Variants in JMY observed in about 807,000 individuals in gnomAD.
JMY encodes junction mediating and regulatory protein, p53 cofactor.
JMY carries 46 observed loss-of-function variants against 103.3 expected under a neutral mutation model. The observed-to-expected ratio is 0.45, with a 90% CI of 0.35 to 0.57. The LOEUF is 0.57. Ranked by LOEUF, JMY falls within the 20% of genes least tolerant of loss-of-function variation. The probability of loss-of-function intolerance (pLI) is 0.00; values close to 1 mark genes in which losing one functional copy is unlikely to be tolerated. For missense variants in JMY, 1,238 were observed against 1,255.2 expected, an observed-to-expected ratio of 0.99 and a Z score of 0.21; for synonymous variants, 526 against 489.3, an observed-to-expected ratio of 1.07 and a Z score of -0.99.
chr5:79,292,494 A>AT (rs1469247443), intron 4 of JMY, among the ~76,000 whole-genome samples: 3 of 151,678 alleles, frequency 2.0e-5, no homozygotes, highest in East Asian at 1.9e-4. Context: ...TTATTTACTT[A>AT]TTTTTTTGTA....
intron 1 of JMY, among the ~76,000 whole-genome samples, chr5:79,260,850 G>GGC (rs1448037577): frequency 2.0e-5 from 3 of 152,026 alleles, no homozygotes; most frequent in Non-Finnish European, 4.4e-5. Flanking sequence ...GGAAATGTAT[G>GGC]GCACTGGTCC....
At chr5:79,263,382 C>G (rs935816709) in intron 1 of JMY, among the ~76,000 whole-genome samples, 2 of 152,126 alleles carry the variant, frequency 1.3e-5, no homozygotes, top group African/African-American at 4.8e-5. Context: ...GTCTTTGTTA[C>G]AAACAGGTTT....
At position 79,312,440 on chromosome 5, in the gene JMY, G is replaced by C; in HGVS notation, c.2006G>C (p.Ser669Thr). 2.5e-6 allele frequency: 4 copies of C among 1,587,016 alleles called. No individual in the cohort carries two copies. Among genetic ancestry groups the C allele is most frequent in the Non-Finnish European group, 2.6e-6 (3 of 1,170,068 alleles). The change falls in exon 8 of 11, where the codon AGT becomes ACT. Residue 669 changes from serine (S) to threonine (T), a missense_variant. Transcript: ENST00000396137. ...EKLHDEEERK[S>T]AWVSQERQRT... is the part of the protein sequence containing the mutation. ...TTACATGATGAAGAAGAAAGAAAAA[G>C]TGCCTGGGTTAGCCAAGAGAGACAG...
intron 1 of JMY, among the ~76,000 whole-genome samples, chr5:79,244,833 G>GTTT (rs34362472): frequency 2.2e-5 from 3 of 138,106 alleles, no homozygotes; most frequent in Non-Finnish European, 3.1e-5. Flanking sequence ...GTAACTATTT[G>GTTT]TTTTTTTTTT....
At chr5:79,266,662 G>A (rs1313508194) in intron 1 of JMY, among the ~76,000 whole-genome samples, 1 of 152,030 alleles carries the variant, frequency 6.6e-6, no homozygotes. Context: ...CTACTATACT[G>A]TTGAATACCA....
At chr5:79,281,467 C>T (rs988870895) in intron 2 of JMY, among the ~76,000 whole-genome samples, 1 of 150,002 alleles carries the variant, frequency 6.7e-6, no homozygotes, top group African/African-American at 2.5e-5. Context: ...GTCACTAGGC[C>T]AATCAAACAG....
chr5:79,251,529 T>C (rs1745083449), intron 1 of JMY, among the ~76,000 whole-genome samples: 1 of 152,164 alleles, frequency 6.6e-6, no homozygotes, highest in Non-Finnish European at 1.5e-5. Context: ...CTCAAGCATT[T>C]GTCCTTTGTT....
chr5:79,276,513 C>G (rs1745940313), intron 1 of JMY, among the ~76,000 whole-genome samples: 1 of 152,066 alleles, frequency 6.6e-6, no homozygotes, highest in South Asian at 2.1e-4. Context: ...CACTGCAGAC[C>G]CGTCCTCCTG....
intron 1 of JMY, among the ~76,000 whole-genome samples, chr5:79,242,227 G>T (rs1744761666): frequency 6.6e-6 from 1 of 152,144 alleles, no homozygotes; most frequent in Admixed American, 6.5e-5. Context: ...TTGAGTGAGT[G>T]GAGTCAGAAA....
At chr5:79,318,755 T>TAGAG (rs1452546311) in intron 10 of JMY, among the ~76,000 whole-genome samples, 3 of 38,588 alleles carry the variant, frequency 7.8e-5, no homozygotes, top group South Asian at 6.9e-4. Context: ...TATATATATA[T>TAGAG]ATATATAGAG....
chr5:79,287,095 T>C (rs923234409), intron 2 of JMY, among the ~76,000 whole-genome samples: 1 of 151,750 alleles, frequency 6.6e-6, no homozygotes, highest in Non-Finnish European at 1.5e-5. Flanking sequence ...TACTGAGGGG[T>C]TGGTTTGTCT....
chr5:79,277,795 C>G (rs898804819), intron 1 of JMY, 115 bp from the exon 2 acceptor site: 37 of 796,470 alleles, frequency 4.6e-5, no homozygotes, highest in Non-Finnish European at 6.1e-5. Flanking sequence ...TTCATTCCCT[C>G]TTGCTTCTGT....
intron 1 of JMY, among the ~76,000 whole-genome samples, chr5:79,268,167 C>T (rs184324681): frequency 6.4e-4 from 98 of 152,246 alleles, no homozygotes; most frequent in African/African-American, 2.3e-3. Context: ...CACTTGAGCC[C>T]AGGAGTTCCA....
Position 79,325,061 on chromosome 5 carries a change from T to G in JMY, c.*3459T>G, listed in dbSNP as rs1421387029. On this transcript the variant is annotated 3_prime_UTR_variant, in exon 11 of 11. Transcript: ENST00000396137. Reference sequence around the variant, plus strand: ...ACTCTTAAATCAGTGAAACAAAAACTAATGGGCAGCATTCTCTCTGTTTGG... The same window carrying G: ...ACTCTTAAATCAGTGAAACAAAAACGAATGGGCAGCATTCTCTCTGTTTGG... The G allele has an allele frequency of 6.6e-6, 1 of 152,434 alleles. No homozygotes were observed. The highest frequency in any genetic ancestry group is 1.5e-5 in the Non-Finnish European group (1 of 68,006). The allele number at this position is 152,434 out of a possible 1,614,324, so 9.4% of individuals were successfully genotyped here.
At chr5:79,268,499 A>C (rs374022037) in intron 1 of JMY, among the ~76,000 whole-genome samples, 3 of 151,300 alleles carry the variant, frequency 2.0e-5, no homozygotes, top group Admixed American at 6.6e-5. Flanking sequence ...TTATTTATTT[A>C]TTTCTTGAGA....
intron 1 of JMY, among the ~76,000 whole-genome samples, chr5:79,276,018 G>C (rs1249451780): frequency 6.6e-6 from 1 of 152,222 alleles, no homozygotes; most frequent in African/African-American, 2.4e-5. Flanking sequence ...GAAGAATTTT[G>C]TGCCTTTGGG....
intron 7 of JMY, among the ~76,000 whole-genome samples, chr5:79,309,524 T>A (rs1177012604): frequency 6.6e-6 from 1 of 152,210 alleles, no homozygotes; most frequent in African/African-American, 2.4e-5. Context: ...AATTTGTACT[T>A]AAATATCAGA....
At chr5:79,318,755 T>TAGAGAG (rs1452546311) in intron 10 of JMY, among the ~76,000 whole-genome samples, 1 of 38,560 alleles carries the variant, frequency 2.6e-5, no homozygotes, top group Non-Finnish European at 4.8e-5. Flanking sequence ...TATATATATA[T>TAGAGAG]ATATATAGAG....
At chr5:79,266,030 A>G (rs144924666) in intron 1 of JMY, among the ~76,000 whole-genome samples, 3,126 of 152,014 alleles carry the variant, frequency 0.021, 130 homozygotes, top group African/African-American at 0.071. Flanking sequence ...GATCCACCCA[A>G]CTTGGCCTCC....
Sources: gnomAD v4.1 joint callset for allele counts (sites outside exome capture counted in the v4.1 genomes callset) on GRCh38, gnomAD v4.1.1 for gene constraint, MANE v1.5 for transcripts, NCBI Gene and HGNC (gene_info 2026-07-23, HGNC 2026-07-21) for gene names.